MAD1L1: variants seen among roughly 807,000 people sequenced by gnomAD.
The protein encoded by MAD1L1 is mitotic arrest deficient 1 like 1.
In MAD1L1, 95 loss-of-function variants were observed where a neutral mutation model predicts 96.9. The observed-to-expected ratio is 0.98, with a 90% CI of 0.83 to 1.16. The LOEUF is 1.16. MAD1L1 is among the 50% of genes most tolerant of loss of function. The pLI, the probability that MAD1L1 is intolerant of heterozygous loss-of-function variation, is 0.00. For missense variants in MAD1L1, 1,007 were observed against 954.4 expected, an observed-to-expected ratio of 1.06 and a Z score of -0.73; for synonymous variants, 473 against 396.6, an observed-to-expected ratio of 1.19 and a Z score of -2.29.
chr7:2,199,713 CT>C (rs1792181594), intron 10 of MAD1L1, among the ~76,000 whole-genome samples: 2 of 152,250 alleles, frequency 1.3e-5, no homozygotes, highest in East Asian at 3.9e-4. Flanking sequence ...CACTGAACTG[CT>C]GGGCCAAGAC....
intron 18 of MAD1L1, among the ~76,000 whole-genome samples, chr7:1,827,132 A>C (rs1381717745): frequency 6.6e-6 from 1 of 152,166 alleles, no homozygotes; most frequent in Non-Finnish European, 1.5e-5. Flanking sequence ...GGCATCCGCC[A>C]CGGGCGGCTC....
intron 18 of MAD1L1, chr7:1,817,333 G>A (rs1415224782): frequency 1.3e-5 from 2 of 152,210 alleles, no homozygotes; most frequent in African/African-American, 4.8e-5. Flanking sequence ...GCGCAGCCAG[G>A]GGGTCTGAGC....
intron 11 of MAD1L1, among the ~76,000 whole-genome samples, chr7:2,118,610 C>A (rs1448763170): frequency 3.3e-5 from 5 of 152,212 alleles, no homozygotes; most frequent in African/African-American, 1.2e-4. Context: ...CCCTCGATGT[C>A]CAAGTTCCCT....
At chr7:2,116,345 G>A (rs944776477) in intron 11 of MAD1L1, among the ~76,000 whole-genome samples, 1 of 152,212 alleles carries the variant, frequency 6.6e-6, no homozygotes, top group African/African-American at 2.4e-5. Context: ...ACCTAAAGTG[G>A]GCTGCACACA....
chr7:2,090,891 G>A (rs2128544854), intron 11 of MAD1L1, among the ~76,000 whole-genome samples: 1 of 152,306 alleles, frequency 6.6e-6, no homozygotes, highest in African/African-American at 2.4e-5. Context: ...TACCCTAGGG[G>A]GATTAAGTTC....
chr7:1,818,579 A>C (rs1246950493), intron 18 of MAD1L1, among the ~76,000 whole-genome samples: 1 of 151,354 alleles, frequency 6.6e-6, no homozygotes, highest in Admixed American at 6.6e-5. Context: ...GATAGACTTT[A>C]GCTATTTTGC....
chr7:2,042,882 TGTCCAC>T (rs58264394), intron 12 of MAD1L1, among the ~76,000 whole-genome samples: 87,346 of 151,000 alleles, frequency 0.58, 25,669 homozygotes, highest in Middle Eastern at 0.7. Flanking sequence ...CGCACACACA[TGTCCAC>T]GTCCACGTCC....
intron 11 of MAD1L1, among the ~76,000 whole-genome samples, chr7:2,085,100 C>T (rs1785843289): frequency 6.6e-6 from 1 of 152,192 alleles, no homozygotes; most frequent in Non-Finnish European, 1.5e-5. Context: ...GCCGGTCTTG[C>T]TCAGTCCTGA....
intron 11 of MAD1L1, among the ~76,000 whole-genome samples, chr7:2,076,621 AAC>A (rs1203441663): frequency 6.6e-6 from 1 of 152,230 alleles, no homozygotes; most frequent in Non-Finnish European, 1.5e-5. Flanking sequence ...TGACTGCCCC[AAC>A]ACAGTTATGA....
At chr7:2,198,048 G>T (rs567194644) in intron 10 of MAD1L1, among the ~76,000 whole-genome samples, 1 of 149,472 alleles carries the variant, frequency 6.7e-6, no homozygotes, top group African/African-American at 2.5e-5. Flanking sequence ...CCCCACAAGC[G>T]CCCCCGCTCA....
At chr7:2,071,798 T>C (rs1219442251) in intron 11 of MAD1L1, among the ~76,000 whole-genome samples, 6 of 151,536 alleles carry the variant, frequency 4.0e-5, no homozygotes, top group African/African-American at 1.2e-4. Flanking sequence ...CCAAAGGTTT[T>C]CCACCAGAGC....
chr7:2,071,059 C>T (rs1407400059), intron 11 of MAD1L1, among the ~76,000 whole-genome samples: 1 of 151,916 alleles, frequency 6.6e-6, no homozygotes, highest in Non-Finnish European at 1.5e-5. Flanking sequence ...GGGAAAGCTT[C>T]ATCCCAGGGC....
At chr7:2,147,105 C>T (rs1181219315) in intron 11 of MAD1L1, among the ~76,000 whole-genome samples, 1 of 152,198 alleles carries the variant, frequency 6.6e-6, no homozygotes, top group Admixed American at 6.5e-5. Context: ...GACCCGGGGA[C>T]GGCTCAGTGC....
intron 13 of MAD1L1, among the ~76,000 whole-genome samples, chr7:2,005,314 T>G (rs1475245797): frequency 2.0e-5 from 3 of 152,198 alleles, no homozygotes. Context: ...CGGGGTCCTG[T>G]GTGACCCAGG....
intron 18 of MAD1L1, among the ~76,000 whole-genome samples, chr7:1,871,614 CCATACGCCTGCCACACTGAACCCAA>C (rs1356857575): frequency 3.4e-5 from 5 of 147,074 alleles, no homozygotes; most frequent in Non-Finnish European, 3.0e-5. Context: ...GCCGAACCCA[CCATACGCCTGCCACACTGAACCCAA>C]CATACGCCTG....
chr7:1,885,403 G>A (rs1305022591), intron 18 of MAD1L1, among the ~76,000 whole-genome samples: 1 of 152,218 alleles, frequency 6.6e-6, no homozygotes, highest in African/African-American at 2.4e-5. Context: ...CGAGGGCTTT[G>A]AAGCTCAAAC....
chr7:2,139,288 C>G (rs1006869360), intron 11 of MAD1L1, among the ~76,000 whole-genome samples: 1 of 152,080 alleles, frequency 6.6e-6, no homozygotes, highest in African/African-American at 2.4e-5. Context: ...GCACCCTCCC[C>G]GCACCCCCAC....
At chr7:2,228,216 A>G (rs558681132) in intron 3 of MAD1L1, among the ~76,000 whole-genome samples, 2 of 152,110 alleles carry the variant, frequency 1.3e-5, no homozygotes, top group Admixed American at 6.5e-5. Context: ...CTAGAATCCC[A>G]CAGCTTTGAC....
At position 1,969,256 on chromosome 7, in the gene MAD1L1, T is replaced by C. The variant is rs918098953; in HGVS notation, c.1505+11197A>G. Among the ~76,000 whole-genome samples, 20 of 152,246 alleles carry C rather than the reference T, an allele frequency of 1.3e-4. No homozygotes were observed. In the East Asian group the frequency reaches 2.7e-3, roughly 21 times the overall value. ...AAAATTAGCCAGGCATGGTGGCACATGATTGTAATCACAGCTACTCGGGAG... is the reference window on the plus strand; with the variant it reads ...AAAATTAGCCAGGCATGGTGGCACACGATTGTAATCACAGCTACTCGGGAG... On this transcript the variant is annotated intron_variant, in intron 15 of 18. Transcript: ENST00000265854.
Sources: allele counts gnomAD v4.1 joint callset (sites outside exome capture counted in the v4.1 genomes callset), GRCh38; gene constraint gnomAD v4.1.1; transcripts MANE v1.5; gene names NCBI Gene and HGNC (gene_info 2026-07-23, HGNC 2026-07-21).